FRAS1: variants seen among roughly 807,000 people sequenced by gnomAD.
FRAS1 encodes Fraser extracellular matrix complex subunit 1.
A neutral mutation model predicts 435.2 loss-of-function variants in FRAS1; 290 were observed. The observed-to-expected ratio is 0.67, with a 90% CI of 0.61 to 0.73. The LOEUF (loss-of-function observed/expected upper bound fraction) is 0.73. Among genes scored for constraint, FRAS1 ranks in the 30% least tolerant of loss-of-function variants. The probability of loss-of-function intolerance (pLI) is 0.00; values close to 1 mark genes in which losing one functional copy is unlikely to be tolerated. For missense variants in FRAS1, 4,860 were observed against 5,001.5 expected, an observed-to-expected ratio of 0.97 and a Z score of 0.85; for synonymous variants, 1,800 against 1,851.0, an observed-to-expected ratio of 0.97 and a Z score of 0.71.
At chr4:78,306,958 C>T (rs1011878606) in intron 14 of FRAS1, among the ~76,000 whole-genome samples, 2 of 152,142 alleles carry the variant, frequency 1.3e-5, no homozygotes, top group African/African-American at 2.4e-5. Context: ...TTAGAGTTTC[C>T]AGTTTTTCTG....
intron 72 of FRAS1, 30 bp downstream of exon 72, chr4:78,537,230 A>C (rs1435797627): frequency 6.3e-7 from 1 of 1,596,256 alleles, no homozygotes; most frequent in East Asian, 2.2e-5. Context: ...TTAGTGTTAA[A>C]GAGCAGACAC....
At position 78,057,672 on chromosome 4, in the gene FRAS1, C is replaced by A. The variant is rs909757599; in HGVS notation, c.-338C>A. The A allele has an allele frequency of 1.3e-5, 5 of 376,012 alleles. No homozygotes were observed. The highest frequency in any genetic ancestry group is 2.4e-5 in the Non-Finnish European group (5 of 206,840). 23.3% of individuals were successfully genotyped at this position (376,012 alleles called of 1,614,324 possible). A position where few individuals can be genotyped will look rare whatever the true frequency, so the allele number is the denominator to read the frequency against. ...CGAGGGAAATGCTGGAAGATCCCAT[C>A]GGCCAGTGACCAGCAACTTTCCGGC... On this transcript the variant is annotated 5_prime_UTR_variant, in exon 1 of 74. Coordinates refer to ENST00000512123, the MANE Select transcript of FRAS1 (RefSeq NM_025074.7). This position sits in a 1 kb window ranked among gnomAD's most constrained non-coding sequence, Gnocchi z 4.2.
At chr4:78,113,341 C>A (rs1742877904) in intron 2 of FRAS1, among the ~76,000 whole-genome samples, 1 of 152,158 alleles carries the variant, frequency 6.6e-6, no homozygotes, top group African/African-American at 2.4e-5. Flanking sequence ...GGGTATGTAA[C>A]CAGTAATGGG....
chr4:78,169,583 A>G (rs1017149656), intron 2 of FRAS1, among the ~76,000 whole-genome samples: 3 of 152,140 alleles, frequency 2.0e-5, no homozygotes, highest in Non-Finnish European at 4.4e-5. Flanking sequence ...CCATTAAATT[A>G]TAATTATTAT....
chr4:78,534,804 A>C (rs549680818), intron 71 of FRAS1, among the ~76,000 whole-genome samples, 189 bp downstream of exon 71: 35 of 152,194 alleles, frequency 2.3e-4, no homozygotes, highest in Non-Finnish European at 4.3e-4. Flanking sequence ...TTCGAAATCA[A>C]ATCACACACT....
chr4:78,528,543 G>T (rs9996383), intron 70 of FRAS1, among the ~76,000 whole-genome samples: 79,285 of 151,882 alleles, frequency 0.52, 20,795 homozygotes, highest in South Asian at 0.59. Context: ...CTGGCTCATC[G>T]CACTCCGCAT....
Position 78,105,394 on chromosome 4 carries a change from C to G in FRAS1, c.108+39378C>G, listed in dbSNP as rs4552485. Among the ~76,000 whole-genome samples the G allele has an allele frequency of 5.5e-3, 832 of 152,242 alleles. 6 individuals carry two copies. Among genetic ancestry groups the G allele is most frequent in the African/African-American group, 0.019 (789 of 41,544 alleles). ...TTCAAAGCACTCTAGATGTGCTTTT[C>G]TGTTTATTTTTTTCTCTCTCAATAT... On this transcript the variant is annotated intron_variant, in intron 2 of 73. Transcript: ENST00000512123.
intron 2 of FRAS1, among the ~76,000 whole-genome samples, chr4:78,209,135 A>G (rs1723394547): frequency 6.6e-6 from 1 of 151,374 alleles, no homozygotes; most frequent in Non-Finnish European, 1.5e-5. Flanking sequence ...GCAGAGCAAG[A>G]CCCCATGTAA....
chr4:78,467,701 G>C (rs556880073), intron 50 of FRAS1, among the ~76,000 whole-genome samples: 20 of 152,136 alleles, frequency 1.3e-4, no homozygotes, highest in African/African-American at 4.3e-4. Context: ...CAGTGTATGA[G>C]GGTTCCCTTT....
At chr4:78,420,131 C>A (rs1733713786) in intron 33 of FRAS1, among the ~76,000 whole-genome samples, 1 of 152,164 alleles carries the variant, frequency 6.6e-6, no homozygotes, top group Admixed American at 6.5e-5. Flanking sequence ...AATTCTGCTC[C>A]CACATCTGGG....
At chr4:78,525,849 GA>G (rs1254543694) in intron 69 of FRAS1, among the ~76,000 whole-genome samples, 1 of 152,200 alleles carries the variant, frequency 6.6e-6, no homozygotes, top group Non-Finnish European at 1.5e-5. Context: ...ACAGAGTCAT[GA>G]ACTGGAGAAT....
At chr4:78,257,188 T>A (rs1039020459) in intron 6 of FRAS1, among the ~76,000 whole-genome samples, 2 of 152,208 alleles carry the variant, frequency 1.3e-5, no homozygotes, top group African/African-American at 4.8e-5. Flanking sequence ...TTGCTCAAAG[T>A]GTCAGCACTT....
chr4:78,326,735 G>A (rs942464841), intron 18 of FRAS1, among the ~76,000 whole-genome samples: 9 of 152,102 alleles, frequency 5.9e-5, no homozygotes, highest in African/African-American at 1.7e-4. Context: ...AGAAAAGGAA[G>A]GATAAAGGGT....
chr4:78,343,335 C>A (rs1164271354), intron 20 of FRAS1, among the ~76,000 whole-genome samples: 1 of 152,150 alleles, frequency 6.6e-6, no homozygotes, highest in Admixed American at 6.5e-5. Flanking sequence ...GATATTTATA[C>A]TTTGAACAAT....
At chr4:78,390,468 C>T (rs1732401497) in intron 29 of FRAS1, among the ~76,000 whole-genome samples, 1 of 152,168 alleles carries the variant, frequency 6.6e-6, no homozygotes, top group Non-Finnish European at 1.5e-5. Context: ...TGTCTGCCTC[C>T]TACATTTAAC....
chr4:78,455,502 T>G, intron 47 of FRAS1, among the ~76,000 whole-genome samples: 1 of 152,188 alleles, frequency 6.6e-6, no homozygotes, highest in East Asian at 1.9e-4. Flanking sequence ...AGATATTTAT[T>G]TGGGGACCAG....
chr4:78,111,845 T>C (rs1742732811), intron 2 of FRAS1, among the ~76,000 whole-genome samples: 1 of 149,228 alleles, frequency 6.7e-6, no homozygotes, highest in South Asian at 2.1e-4. Context: ...AGAAAAAACG[T>C]AGAAAATAAA....
chr4:78,094,322 T>C (rs1358176755), intron 2 of FRAS1, among the ~76,000 whole-genome samples: 1 of 152,072 alleles, frequency 6.6e-6, no homozygotes, highest in Non-Finnish European at 1.5e-5. Flanking sequence ...TTTTGATTGT[T>C]TGAAGCAGCA....
chr4:78,537,480 A>AG (rs1250573841), intron 72 of FRAS1, among the ~76,000 whole-genome samples: 1 of 152,230 alleles, frequency 6.6e-6, no homozygotes, highest in Non-Finnish European at 1.5e-5. Flanking sequence ...ATACTCTTTC[A>AG]GGGAGTCTAC....
Sources: allele counts gnomAD v4.1 joint callset (sites outside exome capture counted in the v4.1 genomes callset), GRCh38; gene constraint gnomAD v4.1.1; non-coding constraint Gnocchi (gnomAD v3.1); transcripts MANE v1.5; gene names NCBI Gene and HGNC (gene_info 2026-07-23, HGNC 2026-07-21).